The following DNAAF4 variants were observed in gnomAD, a reference collection of about 807,000 sequenced individuals.
DNAAF4 encodes dynein assembly factor 4, axonemal.
DNAAF4 carries 43 observed loss-of-function variants against 51.8 expected under a neutral mutation model. That is an observed-to-expected ratio of 0.83 (90% CI 0.65 to 1.07). The LOEUF is 1.07. Among genes scored for constraint, DNAAF4 ranks in the 50% least tolerant of loss-of-function variants. The pLI is 0.00. For missense variants in DNAAF4, 581 were observed against 493.0 expected, an observed-to-expected ratio of 1.18 and a Z score of -1.69; for synonymous variants, 194 against 165.6, an observed-to-expected ratio of 1.17 and a Z score of -1.32.
At chr15:55,447,005 G>T (rs1031125104) in intron 6 of DNAAF4, among the ~76,000 whole-genome samples, 3 of 140,532 alleles carry the variant, frequency 2.1e-5, no homozygotes, top group African/African-American at 8.0e-5. Context: ...GCTGGGCAGA[G>T]GCGCTCTCCA....
chr15:55,504,759 C>A (rs893899035), intron 1 of DNAAF4, among the ~76,000 whole-genome samples: 8 of 152,126 alleles, frequency 5.3e-5, no homozygotes, highest in Non-Finnish European at 7.4e-5. Context: ...ACACCTTATA[C>A]AAAAATTAAC....
chr15:55,464,098 AT>A (rs1379190360), intron 5 of DNAAF4, among the ~76,000 whole-genome samples: 3 of 152,250 alleles, frequency 2.0e-5, no homozygotes, highest in African/African-American at 7.2e-5. Context: ...TAGTACTGGT[AT>A]AAAAACAGGC....
chr15:55,495,779 C>G (rs1354850307), intron 3 of DNAAF4, among the ~76,000 whole-genome samples: 1 of 151,930 alleles, frequency 6.6e-6, no homozygotes, highest in Non-Finnish European at 1.5e-5. Context: ...AGGCAGTAAA[C>G]ATAAAGTATT....
chr15:55,418,643 C>A, intron 7 of DNAAF4: 2 of 1,017,042 alleles, frequency 2.0e-6, no homozygotes, highest in Non-Finnish European at 2.7e-6. Flanking sequence ...GGGTAGAATA[C>A]CTAATAAAGA....
intron 4 of DNAAF4, among the ~76,000 whole-genome samples, chr15:55,471,404 C>T (rs186660580): frequency 6.6e-6 from 1 of 152,218 alleles, no homozygotes; most frequent in Admixed American, 6.5e-5. Flanking sequence ...AACCTAGCAC[C>T]CCATCACTCA....
chr15:55,444,421 G>C (rs139630459), intron 6 of DNAAF4, among the ~76,000 whole-genome samples: 2,380 of 152,262 alleles, frequency 0.016, 74 homozygotes, highest in African/African-American at 0.055. Context: ...TTCAGTATCA[G>C]TACCATGCTG....
At chr15:55,451,513 G>A (rs1377224783) in intron 5 of DNAAF4, among the ~76,000 whole-genome samples, 1 of 151,946 alleles carries the variant, frequency 6.6e-6, no homozygotes, top group East Asian at 1.9e-4. Context: ...CCAGAACACA[G>A]AGAAATAACA....
In DNAAF4 at chr15:55,435,061, A is replaced by C. The variant is rs1341382251; in HGVS notation, c.894-3T>G. On this transcript the variant is annotated splice_polypyrimidine_tract_variant and splice_region_variant and intron_variant, in intron 7 of 9. Transcript: ENST00000321149. ...AGTTTTCCGTTGCAAACAATTTGCT[A>C]ATGAGACAAAAACAGAGAAGAAAAA... 3 of 1,582,550 alleles carry C rather than the reference A, an allele frequency of 1.9e-6. No individual in the cohort carries two copies. Among genetic ancestry groups the C allele is most frequent in the Admixed American group, 2.0e-5 (1 of 50,694 alleles).
At chr15:55,426,441 A>G (rs2057431298), downstream of DNAAF4, among the ~76,000 whole-genome samples, 1 of 152,220 alleles carries the variant, frequency 6.6e-6, no homozygotes, top group Non-Finnish European at 1.5e-5. Context: ...TCCCAAAGTT[A>G]GTTCAGCCTA....
intron 5 of DNAAF4, among the ~76,000 whole-genome samples, chr15:55,465,634 T>C (rs903891119): frequency 6.6e-6 from 1 of 150,912 alleles, no homozygotes; most frequent in Non-Finnish European, 1.5e-5. Flanking sequence ...TGGCACGATC[T>C]CGGTTCACCA....
At chr15:55,500,953 T>C (rs2058693724) in intron 1 of DNAAF4, among the ~76,000 whole-genome samples, 1 of 141,074 alleles carries the variant, frequency 7.1e-6, no homozygotes, top group Admixed American at 7.3e-5. Flanking sequence ...GAGCGTGCCA[T>C]TGCACTCCAG....
chr15:55,482,488 C>T (rs1329504066), intron 4 of DNAAF4, among the ~76,000 whole-genome samples: 1 of 152,074 alleles, frequency 6.6e-6, no homozygotes, highest in Non-Finnish European at 1.5e-5. Context: ...ACCAGCCTGG[C>T]TAACATGGCA....
At chr15:55,486,725 G>A (rs972167119) in intron 4 of DNAAF4, among the ~76,000 whole-genome samples, 2 of 151,318 alleles carry the variant, frequency 1.3e-5, no homozygotes, top group African/African-American at 4.9e-5. Context: ...TCAATGTAGT[G>A]AGCTGTAATT....
chr15:55,420,207 C>G (rs527249225), intron 7 of DNAAF4, among the ~76,000 whole-genome samples: 1 of 152,128 alleles, frequency 6.6e-6, no homozygotes, highest in African/African-American at 2.4e-5. Flanking sequence ...GGAGAGGAAA[C>G]TATATGGATA....
chr15:55,484,635 C>A (rs117552846), intron 4 of DNAAF4, among the ~76,000 whole-genome samples: 8,277 of 151,994 alleles, frequency 0.054, 315 homozygotes, highest in South Asian at 0.098. Flanking sequence ...AGAGACATAA[C>A]TAATAGTATA....
intron 4 of DNAAF4, among the ~76,000 whole-genome samples, chr15:55,486,243 G>C (rs1373380160): frequency 6.6e-6 from 1 of 151,178 alleles, no homozygotes; most frequent in Admixed American, 6.6e-5. Context: ...ACCCAGGCGG[G>C]AGTGCAATGG....
intron 5 of DNAAF4, among the ~76,000 whole-genome samples, chr15:55,460,525 G>A (rs1227449273): frequency 6.6e-6 from 1 of 152,044 alleles, no homozygotes; most frequent in Non-Finnish European, 1.5e-5. Context: ...CCTAAGAAAT[G>A]AGATAGCACC....
At position 55,498,593 on chromosome 15, in the gene DNAAF4, G is replaced by GAAAA. The variant is rs3049057; in HGVS notation, c.-255-13_-255-10dup. ...AAGTAGACCCATACCCTCTGCTTGA[G>GAAAA]AAAAAAAAAAAAAAAAAAAAGCACT... On this transcript the variant is annotated splice_polypyrimidine_tract_variant and intron_variant, in intron 1 of 9. Transcript: ENST00000321149. 0.052 allele frequency: 3,886 copies of GAAAA among 74,578 alleles called. 142 individuals carry two copies. The highest frequency in any genetic ancestry group is 0.15 in the East Asian group (279 of 1,864). The allele number at this position is 74,578 out of a possible 1,614,324, so 4.6% of individuals were successfully genotyped here.
intron 4 of DNAAF4, among the ~76,000 whole-genome samples, chr15:55,485,440 T>G (rs11629841): frequency 0.25 from 38,499 of 152,120 alleles, 5,832 homozygotes; most frequent in Non-Finnish European, 0.35. Context: ...TTTGAGGTCC[T>G]ATGGCATTAA....
Sources: gnomAD v4.1 joint callset for allele counts (sites outside exome capture counted in the v4.1 genomes callset) on GRCh38, gnomAD v4.1.1 for gene constraint, MANE v1.5 for transcripts, NCBI Gene and HGNC (gene_info 2026-07-23, HGNC 2026-07-21) for gene names.